Variants in PCDH9 observed in about 807,000 individuals in gnomAD.
PCDH9 encodes protocadherin 9, also known as protocadherin-9.
Under a neutral mutation model 70.6 loss-of-function variants are expected in PCDH9, and 24 were observed. That is an observed-to-expected ratio of 0.34 (90% confidence interval 0.25 to 0.48). The LOEUF is 0.48. Among genes scored for constraint, PCDH9 ranks in the 20% least tolerant of loss-of-function variants. PCDH9 has a pLI of 0.99. For synonymous variants in PCDH9, 562 were observed against 558.5 expected (o/e 1.01, Z -0.09); for missense variants, 1,281 against 1,503.6 (o/e 0.85, Z 2.45).
intron 4 of PCDH9, 128 bp downstream of exon 4, chr13:66,631,082 A>T (rs1214514105): frequency 3.2e-6 from 2 of 634,176 alleles, no homozygotes; most frequent in Non-Finnish European, 5.7e-6. Context: ...AGAATACAGC[A>T]ACAACAATAA....
At chr13:66,424,242 C>A (rs1288191272) in intron 4 of PCDH9, among the ~76,000 whole-genome samples, 1 of 152,100 alleles carries the variant, frequency 6.6e-6, no homozygotes, top group African/African-American at 2.4e-5. Context: ...GTGAAAATGG[C>A]CATACTGCCC....
intron 4 of PCDH9, among the ~76,000 whole-genome samples, chr13:66,408,855 A>G (rs1008006824): frequency 6.6e-5 from 10 of 152,108 alleles, no homozygotes; most frequent in African/African-American, 2.4e-4. Context: ...TCACTTGATA[A>G]ATTTTAGCTT....
chr13:66,593,597 T>C, intron 4 of PCDH9, among the ~76,000 whole-genome samples: 1 of 151,754 alleles, frequency 6.6e-6, no homozygotes, highest in South Asian at 2.1e-4. Context: ...AGGAGAAAAA[T>C]TTTTGACAAT....
At chr13:66,698,684 T>C (rs1667266053) in intron 3 of PCDH9, among the ~76,000 whole-genome samples, 3 of 151,960 alleles carry the variant, frequency 2.0e-5, no homozygotes, top group Non-Finnish European at 4.4e-5. Context: ...GCTCAGTCAA[T>C]CTTCCCACCT....
At chr13:67,025,431 CT>C (rs1327513523) in intron 2 of PCDH9, among the ~76,000 whole-genome samples, 1 of 151,986 alleles carries the variant, frequency 6.6e-6, no homozygotes, top group East Asian at 1.9e-4. Flanking sequence ...AGAAAGTCTT[CT>C]TTTTTTAATG....
chr13:66,775,501 C>T (rs939928708), intron 3 of PCDH9, among the ~76,000 whole-genome samples: 1 of 152,134 alleles, frequency 6.6e-6, no homozygotes, highest in African/African-American at 2.4e-5. Flanking sequence ...CCTTTTGCCT[C>T]TGCCACCCCT....
rs115367626 is a variant in PCDH9 at position 66,627,223 on chromosome 13, C to A, written c.3340+3987G>T. Among the ~76,000 whole-genome samples the A allele has an allele frequency of 3.6e-3, 544 of 152,168 alleles. 2 individuals are homozygous for A. Among genetic ancestry groups the A allele is most frequent in the African/African-American group, 0.013 (526 of 41,510 alleles). Reference sequence around the variant, plus strand: ...AGATCATACTGACATCCAATAGAAACCTATTTTACCTGCTATAAAATCACA... The same window carrying A: ...AGATCATACTGACATCCAATAGAAAACTATTTTACCTGCTATAAAATCACA... On this transcript the variant is annotated intron_variant, in intron 4 of 4. Transcript: ENST00000377865.
intron 2 of PCDH9, among the ~76,000 whole-genome samples, chr13:67,066,441 C>T (rs932462376): frequency 9.2e-5 from 14 of 152,078 alleles, no homozygotes; most frequent in African/African-American, 3.4e-4. Context: ...ACCACGTTAG[C>T]CAAGTTGGTC....
intron 3 of PCDH9, among the ~76,000 whole-genome samples, chr13:66,671,163 C>A (rs78260705): frequency 2.0e-5 from 3 of 152,282 alleles, no homozygotes; most frequent in South Asian, 4.1e-4. Flanking sequence ...TGTGACCTTG[C>A]TCCTCCTTCG....
At chr13:66,675,395 G>T (rs2078229154) in intron 3 of PCDH9, among the ~76,000 whole-genome samples, 1 of 152,052 alleles carries the variant, frequency 6.6e-6, no homozygotes, top group South Asian at 2.1e-4. Flanking sequence ...GGCCCTCAAA[G>T]TTGCAAACTT....
chr13:66,506,318 G>A (rs979209500), intron 4 of PCDH9, among the ~76,000 whole-genome samples: 10 of 152,058 alleles, frequency 6.6e-5, no homozygotes, highest in African/African-American at 2.4e-4. Flanking sequence ...AATCCTGAAC[G>A]TTTTCTGTGA....
chr13:66,626,951 CTG>C (rs10559380), intron 4 of PCDH9, among the ~76,000 whole-genome samples: 34,274 of 147,190 alleles, frequency 0.23, 3,894 homozygotes, highest in Middle Eastern at 0.3. Context: ...TCAAATGCCA[CTG>C]TGTGTGTGTG....
At chr13:66,490,903 A>G (rs1959022934) in intron 4 of PCDH9, among the ~76,000 whole-genome samples, 1 of 152,206 alleles carries the variant, frequency 6.6e-6, no homozygotes, top group South Asian at 2.1e-4. Flanking sequence ...TTCTTTGCCC[A>G]GCATATCTGT....
chr13:66,953,481 C>A (rs2083217430), intron 2 of PCDH9, among the ~76,000 whole-genome samples: 1 of 152,172 alleles, frequency 6.6e-6, no homozygotes, highest in South Asian at 2.1e-4. Context: ...ATTTTGTATG[C>A]ATGTACACAT....
chr13:66,750,861 T>C (rs1417487748), intron 3 of PCDH9, among the ~76,000 whole-genome samples: 5 of 152,078 alleles, frequency 3.3e-5, no homozygotes, highest in Non-Finnish European at 5.9e-5. Flanking sequence ...ACCAGCAAAC[T>C]AATATTTAAA....
intron 2 of PCDH9, among the ~76,000 whole-genome samples, chr13:67,197,900 C>T (rs935329984): frequency 1.3e-5 from 2 of 151,662 alleles, no homozygotes; most frequent in African/African-American, 4.8e-5. Flanking sequence ...AATATTAAAA[C>T]TCTTACAATT....
intron 2 of PCDH9, chr13:67,214,029 A>T (rs1401370612): frequency 6.6e-6 from 1 of 152,206 alleles, no homozygotes; most frequent in Non-Finnish European, 1.5e-5. Context: ...CTGTTCCAAC[A>T]AAAGGAAATG....
At chr13:66,728,312 T>C (rs1057441041) in intron 3 of PCDH9, among the ~76,000 whole-genome samples, 7 of 152,188 alleles carry the variant, frequency 4.6e-5, no homozygotes, top group African/African-American at 1.7e-4. Context: ...AAATCATTTT[T>C]TGTTCCTCAT....
chr13:67,050,480 T>A (rs1427391081), intron 2 of PCDH9, among the ~76,000 whole-genome samples: 3 of 152,184 alleles, frequency 2.0e-5, no homozygotes, highest in Non-Finnish European at 4.4e-5. Context: ...ATAATTATGT[T>A]CTTGGCATGC....
Sources: gnomAD v4.1 joint callset for allele counts (sites outside exome capture counted in the v4.1 genomes callset) on GRCh38, gnomAD v4.1.1 for gene constraint, MANE v1.5 for transcripts, NCBI Gene and HGNC (gene_info 2026-07-23, HGNC 2026-07-21) for gene names.